The following DLGAP1 variants were observed in gnomAD, a reference collection of about 807,000 sequenced individuals.
DLGAP1 encodes the protein disks large-associated protein 1.
In DLGAP1, 11 loss-of-function variants were observed where a neutral mutation model predicts 90.8. The ratio of observed to expected loss-of-function variants is 0.12; its 90% CI spans 0.08 to 0.20. The LOEUF (loss-of-function observed/expected upper bound fraction) is 0.20. Among genes scored for constraint, DLGAP1 ranks in the 10% least tolerant of loss-of-function variants. The pLI, the probability that DLGAP1 is intolerant of heterozygous loss-of-function variation, is 1.00. For synonymous variants in DLGAP1, 558 were observed against 540.7 expected (o/e 1.03, Z -0.44); for missense variants, 1,050 against 1,333.8 (o/e 0.79, Z 3.31).
intron 4 of DLGAP1, among the ~76,000 whole-genome samples, chr18:3,838,102 G>T (rs1485792376): frequency 6.6e-6 from 1 of 152,164 alleles, no homozygotes; most frequent in East Asian, 1.9e-4. Flanking sequence ...ATAGTCAACT[G>T]TCTGTGGAAA....
At chr18:4,071,507 G>C (rs980279770) in intron 2 of DLGAP1, among the ~76,000 whole-genome samples, 1 of 152,106 alleles carries the variant, frequency 6.6e-6, no homozygotes, top group African/African-American at 2.4e-5. Context: ...CGACTTCCCA[G>C]GGCAGTGCCC....
At chr18:3,669,827 G>A (rs957063531) in intron 7 of DLGAP1, among the ~76,000 whole-genome samples, 1 of 152,188 alleles carries the variant, frequency 6.6e-6, no homozygotes, top group Non-Finnish European at 1.5e-5. Flanking sequence ...CTTGTGATGA[G>A]GAAGCGGATC....
At chr18:4,003,122 C>T (rs2149078387) in intron 3 of DLGAP1, among the ~76,000 whole-genome samples, 1 of 152,294 alleles carries the variant, frequency 6.6e-6, no homozygotes, top group South Asian at 2.1e-4. Flanking sequence ...TCTTAGAGAA[C>T]CATGACCCCT....
chr18:4,317,550 C>T (rs1369419253), intron 1 of DLGAP1, among the ~76,000 whole-genome samples: 2 of 152,196 alleles, frequency 1.3e-5, no homozygotes, highest in Non-Finnish European at 2.9e-5. Context: ...TTGAAGGAAA[C>T]ATATGTTTTC....
intron 5 of DLGAP1, among the ~76,000 whole-genome samples, chr18:3,765,443 C>T (rs1038151122): frequency 7.2e-5 from 11 of 151,894 alleles, no homozygotes; most frequent in African/African-American, 2.7e-4. Flanking sequence ...CACTTGCACA[C>T]TTTTAAGATT....
At chr18:3,610,406 C>T (rs756491472) in intron 7 of DLGAP1, among the ~76,000 whole-genome samples, 4 of 152,208 alleles carry the variant, frequency 2.6e-5, no homozygotes, top group Admixed American at 2.6e-4. Context: ...CACAGACTAC[C>T]TTCTGTTCTC....
At chr18:4,063,220 T>C (rs981553386) in intron 2 of DLGAP1, among the ~76,000 whole-genome samples, 4 of 152,104 alleles carry the variant, frequency 2.6e-5, no homozygotes, top group Non-Finnish European at 5.9e-5. Context: ...GTAAAGTCAC[T>C]GAAGCAATGT....
intron 3 of DLGAP1, among the ~76,000 whole-genome samples, chr18:3,951,949 T>C (rs760647502): frequency 1.3e-5 from 2 of 152,204 alleles, no homozygotes; most frequent in Non-Finnish European, 2.9e-5. Context: ...TATAGCAGTG[T>C]GAAAATGGAC....
intron 2 of DLGAP1, among the ~76,000 whole-genome samples, chr18:4,051,331 T>C (rs1452510926): frequency 6.6e-6 from 1 of 152,194 alleles, no homozygotes; most frequent in Non-Finnish European, 1.5e-5. Context: ...CTTAATTGAC[T>C]CATAGTTCAG....
At chr18:3,732,507 C>T (rs1381271696) in intron 6 of DLGAP1, among the ~76,000 whole-genome samples, 1 of 152,136 alleles carries the variant, frequency 6.6e-6, no homozygotes, top group Non-Finnish European at 1.5e-5. Flanking sequence ...TCTTTATTTA[C>T]TAATTTTCAA....
intron 12 of DLGAP1, among the ~76,000 whole-genome samples, chr18:3,500,452 T>C (rs944755592): frequency 6.6e-6 from 1 of 152,218 alleles, no homozygotes; most frequent in Admixed American, 6.5e-5. Context: ...TCGGTGATTC[T>C]CCAAAGAGTA....
In DLGAP1 at chr18:3,601,049, G is replaced by GATAGATAT. The variant is rs201269642; in HGVS notation, c.1592-18809_1592-18802dup. 2.3e-4 allele frequency among the ~76,000 whole-genome samples: 33 copies of GATAGATAT among 144,762 alleles called. 1 individual carries two copies. The highest frequency in any genetic ancestry group is 3.6e-3 in the Middle Eastern group (1 of 274). The allele number at this position is 144,762 out of a possible 152,430, so 95.0% of individuals were successfully genotyped here. A position where few individuals can be genotyped will look rare whatever the true frequency, so the allele number is the denominator to read the frequency against. ...ATATAGATATAGAGATAAAGATATAGATAGATATATAGATATATAGATATA... is the reference window on the plus strand; with the variant it reads ...ATATAGATATAGAGATAAAGATATAGATAGATATATAGATATATAGATATATAGATATA... On this transcript the variant is annotated intron_variant, in intron 7 of 12. Transcript: ENST00000315677.
At position 3,670,268 on chromosome 18, in the gene DLGAP1, C is replaced by T. The variant is rs146238856; in HGVS notation, c.1591+58867G>A. On this transcript the variant is annotated intron_variant, in intron 7 of 12. Coordinates refer to ENST00000315677, the MANE Select transcript of DLGAP1 (RefSeq NM_004746.4). ...GAGAGATAAATGGTGCCAATAGCTA[C>T]TAACAATCATGCAAAATTATACATC... 1.1e-3 allele frequency among the ~76,000 whole-genome samples: 164 copies of T among 152,228 alleles called. 4 individuals carry two copies. The East Asian group carries it at 0.021, about 20-fold the overall frequency.
At position 3,517,819 on chromosome 18, in the gene DLGAP1, GAAA is replaced by G. The variant is rs57625422; in HGVS notation, c.2480-9161_2480-9159del. Among the ~76,000 whole-genome samples the G allele has an allele frequency of 8.9e-4, 127 of 141,918 alleles. No individual in the cohort carries two copies. The East Asian group carries it at 0.021, about 24-fold the overall frequency. 93.1% of individuals were successfully genotyped at this position (141,918 alleles called of 152,430 possible). ...GCAACAAGAGAGAAACTCTGTCTCG[GAAA>G]AAAAAAAAAAAGAAGAGAGTCACAA... On this transcript the variant is annotated intron_variant, in intron 10 of 12. Transcript: ENST00000315677. This position sits in a 1 kb window ranked among gnomAD's most constrained non-coding sequence, Gnocchi z 4.1.
intron 1 of DLGAP1, among the ~76,000 whole-genome samples, chr18:4,395,777 C>T (rs1192063669): frequency 6.6e-6 from 1 of 152,206 alleles, no homozygotes; most frequent in Non-Finnish European, 1.5e-5. Context: ...AGGGGACATG[C>T]TATACAGCCT....
At chr18:4,409,575 G>A (rs1598376171) in intron 1 of DLGAP1, among the ~76,000 whole-genome samples, 1 of 152,172 alleles carries the variant, frequency 6.6e-6, no homozygotes, top group Non-Finnish European at 1.5e-5. Flanking sequence ...GCTTTATGCA[G>A]GTTAAAGTTT....
chr18:3,693,589 A>C (rs2060974965), intron 7 of DLGAP1, among the ~76,000 whole-genome samples: 1 of 152,254 alleles, frequency 6.6e-6, no homozygotes, highest in African/African-American at 2.4e-5. Context: ...GATGATTAAA[A>C]AGAAAAGAGA....
At chr18:4,320,889 T>C (rs1334759422) in intron 1 of DLGAP1, among the ~76,000 whole-genome samples, 2 of 152,246 alleles carry the variant, frequency 1.3e-5, no homozygotes, top group Non-Finnish European at 2.9e-5. Context: ...TATTGTGGAA[T>C]TTAATAAAGC....
chr18:3,614,197 G>GGT (rs201513484), intron 7 of DLGAP1, among the ~76,000 whole-genome samples: 1 of 82,226 alleles, frequency 1.2e-5, no homozygotes, highest in African/African-American at 7.8e-5. Flanking sequence ...TAGGATTACA[G>GGT]GCGAGCCACC....
Sources: allele counts gnomAD v4.1 joint callset (sites outside exome capture counted in the v4.1 genomes callset), GRCh38; gene constraint gnomAD v4.1.1; non-coding constraint Gnocchi (gnomAD v3.1); transcripts MANE v1.5; gene names NCBI Gene and HGNC (gene_info 2026-07-23, HGNC 2026-07-21).